The following SEMA3B variants were observed in gnomAD, a reference collection of about 807,000 sequenced individuals.
The protein encoded by SEMA3B is semaphorin 3B, also known as semaphorin-3B.
A neutral mutation model predicts 77.8 loss-of-function variants in SEMA3B; 71 were observed. The ratio of observed to expected loss-of-function variants is 0.91; its 90% CI spans 0.75 to 1.11. The LOEUF is 1.11. SEMA3B is among the 50% of genes most tolerant of loss of function. The pLI, the probability that SEMA3B is intolerant of heterozygous loss-of-function variation, is 0.00. For missense variants in SEMA3B, 968 were observed against 1,056.8 expected, an observed-to-expected ratio of 0.92 and a Z score of 1.17; for synonymous variants, 470 against 452.9, an observed-to-expected ratio of 1.04 and a Z score of -0.48.
chr3:50,261,274 T>C, the SEMA3B span: 1 of 152,240 alleles, frequency 6.6e-6, no homozygotes, highest in East Asian at 1.9e-4. Context: ...TAGCAGGACA[T>C]GCAGAGCTGG....
chr3:50,264,015 T>C (rs1414924363), upstream of SEMA3B, among the ~76,000 whole-genome samples: 1 of 151,848 alleles, frequency 6.6e-6, no homozygotes, highest in East Asian at 1.9e-4. Context: ...CTGGGCAACA[T>C]GACAAAACCT....
In SEMA3B at chr3:50,271,402, C is replaced by T. The variant is rs201112544; in HGVS notation, c.586C>T (p.Arg196Ter). 3.7e-4 allele frequency: 585 copies of T among 1,590,878 alleles called. No individual in the cohort carries two copies. The highest frequency in any genetic ancestry group is 4.6e-4 in the Non-Finnish European group (540 of 1,168,750). Residue 196 changes from arginine (R) to a stop codon, truncating the protein, a stop_gained, in exon 6 of 17, where the codon CGA becomes TGA. Coordinates refer to ENST00000616701, the MANE Select transcript of SEMA3B (RefSeq NM_001290060.2). LOFTEE classifies it high-confidence loss of function. ...YSGVAADLMG[R>*]DFTIFRSLGQ... is the part of the protein sequence containing the mutation. ...AGGGGTGGCAGCAGACCTCATGGGA[C>T]GAGACTTTACCATCTTTCGCAGCCT...
In SEMA3B at chr3:50,274,844, C is replaced by A. The variant is rs782107049; in HGVS notation, c.1359C>A (p.Asp453Glu). Residue 453 changes from aspartate to glutamate, a missense_variant and splice_region_variant, in exon 12 of 17, where the codon GAC (aspartate) becomes GAA (glutamate). Physicochemically the swap from Asp to Glu is conservative, Grantham distance 45 (BLOSUM62 2). Coordinates refer to ENST00000616701, the MANE Select transcript of SEMA3B (RefSeq NM_001290060.2). This position sits in a 1 kb window ranked among gnomAD's most constrained non-coding sequence, Gnocchi z 4.7. ...GHYDVLFIGT[D>E]VGTVLKVISV... ...CATTACCCCTTCTCATCCCTGCAGACGTTGGCACGGTGCTGAAGGTGATCT... is the reference window on the plus strand; with the variant it reads ...CATTACCCCTTCTCATCCCTGCAGAAGTTGGCACGGTGCTGAAGGTGATCT... 1.2e-6 allele frequency: 2 copies of A among 1,610,856 alleles called. No homozygotes were observed. Among genetic ancestry groups the A allele is most frequent in the East Asian group, 2.2e-5 (1 of 44,880 alleles).
rs1701014260 is a variant in SEMA3B, at chr3:50,270,376, G to T, written c.268-57G>T. 8.1e-6 allele frequency: 13 copies of T among 1,611,382 alleles called. No homozygotes were observed. The highest frequency in any genetic ancestry group is 1.1e-5 in the Non-Finnish European group (13 of 1,178,006). On this transcript the variant is annotated intron_variant, in intron 2 of 16. Transcript: ENST00000616701. The surrounding 1 kb of genome is among the most constrained non-coding windows in gnomAD (Gnocchi z 4.7). ...GAGACCCAGAGGAATGGCTCCCTGA[G>T]GTAGAGAATATCCCAAGTTCCTGAC... is the stretch of plus-strand genomic sequence containing the variant.
rs189650025 is a variant in SEMA3B, at chr3:50,276,418, G to A, written c.1962G>A (p.Pro654=). The change falls in exon 17 of 17, where the codon CCG becomes CCA. Residue 654 remains proline (P), a synonymous_variant. Coordinates refer to ENST00000616701, the MANE Select transcript of SEMA3B (RefSeq NM_001290060.2). This position sits in a 1 kb window ranked among gnomAD's most constrained non-coding sequence, Gnocchi z 5.8. ...CCGTCGAGCAGGGCTTTACGCAACCGCTGCGTCGCCTGTCGCTGCACGTGT... is the reference window on the plus strand; with the variant it reads ...CCGTCGAGCAGGGCTTTACGCAACCACTGCGTCGCCTGTCGCTGCACGTGT... ...CAAVEQGFTQ[P]LRRLSLHVLS... is the part of the protein sequence containing the mutation. 22 of 1,536,274 alleles carry A rather than the reference G, an allele frequency of 1.4e-5. No individual in the cohort carries two copies. The highest frequency in any genetic ancestry group is 4.1e-5 in the African/African-American group (3 of 72,860).
upstream of SEMA3B, among the ~76,000 whole-genome samples, chr3:50,265,032 G>C (rs1363857190): frequency 6.6e-6 from 1 of 152,186 alleles, no homozygotes; most frequent in African/African-American, 2.4e-5. Context: ...AGAAGGGAAG[G>C]GGAACAGGCA....
upstream of SEMA3B, among the ~76,000 whole-genome samples, chr3:50,268,340 C>T (rs1437266836): frequency 6.6e-6 from 1 of 152,246 alleles, no homozygotes; most frequent in African/African-American, 2.4e-5. Context: ...GTGATTGATG[C>T]TGCAGTTGGA....
chr3:50,271,077 A>G lies in SEMA3B; in HGVS notation c.451-11A>G, dbSNP rs782716227. On this transcript the variant is annotated splice_polypyrimidine_tract_variant and intron_variant, in intron 4 of 16. Coordinates refer to ENST00000616701, the MANE Select transcript of SEMA3B (RefSeq NM_001290060.2). The stretch of plus-strand genomic sequence containing the variant: ...AAGGGCCTGGTAGTCACAACTTGCC[A>G]CACCTCCCAGGAGCCCGTCCTCCGG... 6.3e-7 allele frequency: 1 copy of G among 1,576,682 alleles called. No individual in the cohort carries two copies. Among genetic ancestry groups the G allele is most frequent in the South Asian group, 1.2e-5 (1 of 86,104 alleles).
rs1303782583 is a variant in SEMA3B at position 50,276,990 on chromosome 3, G to T, written c.*284G>T. On this transcript the variant is annotated 3_prime_UTR_variant, in exon 17 of 17. Coordinates refer to ENST00000616701, the MANE Select transcript of SEMA3B (RefSeq NM_001290060.2). This position sits in a 1 kb window ranked among gnomAD's most constrained non-coding sequence, Gnocchi z 5.8. ...GCTCCAGAGCAACGACCAGGGCCGA[G>T]GAGGTGCCTGGAGTGCCCACCCTGG... The T allele has an allele frequency of 4.0e-5, 17 of 420,902 alleles. No homozygotes were observed. The highest frequency in any genetic ancestry group is 5.9e-5 in the Non-Finnish European group (14 of 238,684). 26.1% of individuals were successfully genotyped at this position (420,902 alleles called of 1,614,324 possible). A position where few individuals can be genotyped will look rare whatever the true frequency, so the allele number is the denominator to read the frequency against.
chr3:50,275,783 G>A lies in SEMA3B; in HGVS notation c.1784G>A (p.Arg595His). The A allele has an allele frequency of 3.7e-6, 6 of 1,612,458 alleles. No homozygotes were observed. Among genetic ancestry groups the A allele is most frequent in the Non-Finnish European group, 5.1e-6 (6 of 1,179,804 alleles). ...AGCGCCTTTCTGGAGTGTGAGCCCC[G>A]CTCGCTGCAGGCGCGCGTGGAGTGG... ...GSSAFLECEP[R>H]SLQARVEWTF... The change falls in exon 16 of 17, where the codon CGC becomes CAC. Residue 595 changes from arginine (R) to histidine (H), a missense_variant. Arg to His is a conservative substitution (Grantham distance 29). Transcript: ENST00000616701. The surrounding 1 kb of genome is among the most constrained non-coding windows in gnomAD (Gnocchi z 7.5).
chr3:50,274,473 G>T lies in SEMA3B; in HGVS notation c.1248G>T (p.Gly416=). Residue 416 remains glycine, a synonymous_variant, in exon 11 of 17, where the codon GGG becomes GGT. Coordinates refer to ENST00000616701, the MANE Select transcript of SEMA3B (RefSeq NM_001290060.2). The surrounding 1 kb of genome is among the most constrained non-coding windows in gnomAD (Gnocchi z 4.7). ...PLMYNSVLPT[G]GRPLFLQVGA... is the part of the protein sequence containing the mutation. Reference sequence around the variant, plus strand: ...TGTACAACTCTGTCCTGCCCACTGGGGGGCGCCCTCTTTTCCTACAAGTTG... The same window carrying T: ...TGTACAACTCTGTCCTGCCCACTGGTGGGCGCCCTCTTTTCCTACAAGTTG... The T allele has an allele frequency of 6.5e-7, 1 of 1,550,236 alleles. No homozygotes were observed. Among genetic ancestry groups the T allele is most frequent in the Non-Finnish European group, 8.7e-7 (1 of 1,151,034 alleles).
Position 50,275,536 on chromosome 3 carries a change from C to T in SEMA3B, c.1650-24C>T. On this transcript the variant is annotated intron_variant, in intron 14 of 16. Transcript: ENST00000616701. This position sits in a 1 kb window ranked among gnomAD's most constrained non-coding sequence, Gnocchi z 7.5. ...TGCCCGGGGCTGAAAGAAGGGCTCA[C>T]AGAAGATCGGATGTTCCCCACAGGC... 5 of 1,613,676 alleles carry T rather than the reference C, an allele frequency of 3.1e-6. No individual in the cohort carries two copies. The highest frequency in any genetic ancestry group is 4.2e-6 in the Non-Finnish European group (5 of 1,179,878).
upstream of SEMA3B, chr3:50,267,567 G>C (rs192350875): frequency 2.6e-5 from 4 of 152,364 alleles, no homozygotes; most frequent in East Asian, 1.9e-4. The surrounding 1 kb of genome is among the most constrained non-coding windows in gnomAD (Gnocchi z 5.7). Flanking sequence ...TAAACTTTAC[G>C]GCACGGCGGG....
chr3:50,260,450 A>G, the SEMA3B span: 1 of 152,186 alleles, frequency 6.6e-6, no homozygotes, highest in South Asian at 2.1e-4. Flanking sequence ...GCCCGGTCGG[A>G]AGGACATCGG....
In SEMA3B at chr3:50,275,595, C is replaced by T. The variant is rs1701208623; in HGVS notation, c.1685C>T (p.Pro562Leu). ...FRRQDVRNGD[P>L]STLCSGDSSR... ...CGGCAAGACGTAAGGAATGGCGACC[C>T]CAGCACGTTGTGCTCCGGAGGTGAG... The change falls in exon 15 of 17, where the codon CCC becomes CTC. Residue 562 changes from proline to leucine, a missense_variant. Physicochemically the swap from Pro to Leu is moderately conservative, Grantham distance 98 (BLOSUM62 -3). Transcript: ENST00000616701. This position sits in a 1 kb window ranked among gnomAD's most constrained non-coding sequence, Gnocchi z 7.5. 6.2e-7 allele frequency: 1 copy of T among 1,613,586 alleles called. No homozygotes were observed.
In SEMA3B at chr3:50,273,267, C is replaced by T. The variant is rs1553705704; in HGVS notation, c.665-31C>T. The T allele has an allele frequency of 2.5e-6, 4 of 1,603,466 alleles. No homozygotes were observed. The highest frequency in any genetic ancestry group is 3.4e-6 in the Non-Finnish European group (4 of 1,174,746). ...CTCGCATCAGGAGGCAAGGCCAGGACCCGCTGACCCATGCCTCCTGCCGCG... is the reference window on the plus strand; with the variant it reads ...CTCGCATCAGGAGGCAAGGCCAGGATCCGCTGACCCATGCCTCCTGCCGCG... On this transcript the variant is annotated intron_variant, in intron 6 of 16. Coordinates refer to ENST00000616701, the MANE Select transcript of SEMA3B (RefSeq NM_001290060.2). The surrounding 1 kb of genome is among the most constrained non-coding windows in gnomAD (Gnocchi z 6.5).
In SEMA3B at chr3:50,276,182, C is replaced by G. The variant is rs1180732445; in HGVS notation, c.1846-120C>G. On this transcript the variant is annotated intron_variant, in intron 16 of 16. Transcript: ENST00000616701. This position sits in a 1 kb window ranked among gnomAD's most constrained non-coding sequence, Gnocchi z 5.8. ...CAGCCTTAAAATGTGCGCCTGCGGG[C>G]ACCCCTTTCCCGCTCCACCTCGGCT... is the stretch of plus-strand genomic sequence containing the variant. The G allele has an allele frequency of 7.8e-7, 1 of 1,288,200 alleles. No individual in the cohort carries two copies. Among genetic ancestry groups the G allele is most frequent in the Non-Finnish European group, 1.0e-6 (1 of 974,828 alleles). The allele number at this position is 1,288,200 out of a possible 1,614,324, so 79.8% of individuals were successfully genotyped here. A position where few individuals can be genotyped will look rare whatever the true frequency, so the allele number is the denominator to read the frequency against.
Position 50,273,048 on chromosome 3 carries a change from C to T in SEMA3B, c.665-250C>T. ...GGGGCGAGATCGGAGGCTAGCCGGG[C>T]TTCACGCCTGCGCCCCCAGGTAGCC... On this transcript the variant is annotated intron_variant, in intron 6 of 16. Transcript: ENST00000616701. This position sits in a 1 kb window ranked among gnomAD's most constrained non-coding sequence, Gnocchi z 6.5. The T allele has an allele frequency of 2.0e-6, 1 of 509,988 alleles. No individual in the cohort carries two copies. The highest frequency in any genetic ancestry group is 3.4e-6 in the Non-Finnish European group (1 of 291,394). 31.6% of individuals were successfully genotyped at this position (509,988 alleles called of 1,614,324 possible).
rs1553704885 is a variant in SEMA3B, at chr3:50,269,191, G to T, written c.-50G>T. On this transcript the variant is annotated 5_prime_UTR_variant, in exon 1 of 17. Coordinates refer to ENST00000616701, the MANE Select transcript of SEMA3B (RefSeq NM_001290060.2). The surrounding 1 kb of genome is among the most constrained non-coding windows in gnomAD (Gnocchi z 4.0). ...GGGGCAGAGTCCAGGGCAGCTCAAG[G>T]CTCCTCCACACACACACCCGCTGAA... is the stretch of plus-strand genomic sequence containing the variant. 1 of 1,359,126 alleles carries T rather than the reference G, an allele frequency of 7.4e-7. No individual in the cohort carries two copies. Among genetic ancestry groups the T allele is most frequent in the African/African-American group, 1.4e-5 (1 of 69,768 alleles). 84.2% of individuals were successfully genotyped at this position (1,359,126 alleles called of 1,614,324 possible).
Sources: gnomAD v4.1 joint callset for allele counts (sites outside exome capture counted in the v4.1 genomes callset) on GRCh38, gnomAD v4.1.1 for gene constraint, Gnocchi (gnomAD v3.1) non-coding constraint, MANE v1.5 for transcripts, NCBI Gene and HGNC (gene_info 2026-07-23, HGNC 2026-07-21) for gene names.